The following SRGAP1 variants were observed in gnomAD, a reference collection of about 807,000 sequenced individuals.
SRGAP1 encodes the protein SLIT-ROBO Rho GTPase activating protein 1.
In SRGAP1, 43 loss-of-function variants were observed where a neutral mutation model predicts 121.9. That is an observed-to-expected ratio of 0.35 (90% confidence interval 0.28 to 0.46). The LOEUF (loss-of-function observed/expected upper bound fraction) is 0.46, where lower values mean the gene tolerates loss of function less well. SRGAP1 is among the 20% of genes least tolerant of loss of function. The probability of loss-of-function intolerance (pLI) is 1.00; values close to 1 mark genes in which losing one functional copy is unlikely to be tolerated. For synonymous variants in SRGAP1, 447 were observed against 485.4 expected, an observed-to-expected ratio of 0.92 and a Z score of 1.04; for missense variants, 1,102 against 1,350.9, an observed-to-expected ratio of 0.82 and a Z score of 2.89.
chr12:64,162,040 TTGTAGTTGC>T lies in SRGAP1; in HGVS notation c.*19371_*19379del, dbSNP rs1194331265. ...AAATCTATAAAAATACAAAGTAGAT[TTGTAGTTGC>T]TGAGGGCTGGGAAAAGGGTTTGGGG... On this transcript the variant is annotated 3_prime_UTR_variant, in exon 22 of 22. Coordinates refer to ENST00000355086, the MANE Select transcript of SRGAP1 (RefSeq NM_020762.4). 6.6e-6 allele frequency: 1 copy of T among 152,092 alleles called. No individual in the cohort carries two copies. Among genetic ancestry groups the T allele is most frequent in the African/African-American group, 2.4e-5 (1 of 41,406 alleles). 9.4% of individuals were successfully genotyped at this position (152,092 alleles called of 1,614,324 possible). A position where few individuals can be genotyped will look rare whatever the true frequency, so the allele number is the denominator to read the frequency against.
intron 4 of SRGAP1, among the ~76,000 whole-genome samples, chr12:64,023,019 A>G (rs548873130): frequency 1.7e-3 from 259 of 152,288 alleles, no homozygotes; most frequent in Non-Finnish European, 3.2e-3. Flanking sequence ...TTTAAAAAAC[A>G]TTAGTAGTTA....
Position 64,065,098 on chromosome 12 carries a change from G to A in SRGAP1, c.1024-20G>A. ...GGGTTGATGGTGCCCTGTTGTAACT[G>A]GTTTCTCATTCTCCATCAGGTGTGC... On this transcript the variant is annotated intron_variant, in intron 7 of 21. Transcript: ENST00000355086. 1 of 1,599,298 alleles carries A rather than the reference G, an allele frequency of 6.3e-7. No individual in the cohort carries two copies. Among genetic ancestry groups the A allele is most frequent in the Non-Finnish European group, 8.5e-7 (1 of 1,171,892 alleles).
chr12:64,139,017 A>G (rs1485541217), intron 21 of SRGAP1, among the ~76,000 whole-genome samples: 1 of 152,204 alleles, frequency 6.6e-6, no homozygotes, highest in African/African-American at 2.4e-5. Flanking sequence ...ATGTTTATAT[A>G]TTAGAAAAAG....
intron 3 of SRGAP1, among the ~76,000 whole-genome samples, chr12:63,997,639 A>AT (rs2033750072): frequency 1.3e-5 from 2 of 152,142 alleles, no homozygotes; most frequent in Admixed American, 1.3e-4. Flanking sequence ...TAAAACAGTT[A>AT]TTTTTTGTAA....
intron 1 of SRGAP1, among the ~76,000 whole-genome samples, chr12:63,941,969 CA>C (rs1299465751): frequency 1.3e-5 from 2 of 152,090 alleles, no homozygotes; most frequent in African/African-American, 4.8e-5. Flanking sequence ...GTTTGGAAAT[CA>C]GATCCTGAGT....
intron 4 of SRGAP1, among the ~76,000 whole-genome samples, chr12:64,031,510 G>C (rs952113548): frequency 1.3e-5 from 2 of 152,014 alleles, no homozygotes; most frequent in African/African-American, 4.8e-5. Flanking sequence ...CACCTCCTTT[G>C]TAGGAGTTAC....
Position 64,097,995 on chromosome 12 carries a change from C to A in SRGAP1, c.1813+620C>A, listed in dbSNP as rs904409. Among the ~76,000 whole-genome samples the A allele has an allele frequency of 2.4e-3, 372 of 152,132 alleles. 1 individual carries two copies. The highest frequency in any genetic ancestry group is 8.7e-3 in the African/African-American group (363 of 41,488). On this transcript the variant is annotated intron_variant, in intron 15 of 21. Coordinates refer to ENST00000355086, the MANE Select transcript of SRGAP1 (RefSeq NM_020762.4). Reference sequence around the variant, plus strand: ...ACAAAGGAAGGTGAAAATAATGATACCATGAATTAATTATTAGCCACAATC... The same window carrying A: ...ACAAAGGAAGGTGAAAATAATGATAACATGAATTAATTATTAGCCACAATC...
intron 18 of SRGAP1, among the ~76,000 whole-genome samples, chr12:64,120,902 G>A (rs2036595681): frequency 6.6e-6 from 1 of 151,694 alleles, no homozygotes; most frequent in Non-Finnish European, 1.5e-5. Context: ...AATTACAAAG[G>A]TTGGTTGTTT....
chr12:64,123,950 C>A (rs1189788045), intron 18 of SRGAP1, among the ~76,000 whole-genome samples: 1 of 152,082 alleles, frequency 6.6e-6, no homozygotes, highest in Non-Finnish European at 1.5e-5. Flanking sequence ...AGACCAGGCA[C>A]CTATAATCCC....
intron 8 of SRGAP1, among the ~76,000 whole-genome samples, chr12:64,073,253 C>T (rs1020961635): frequency 2.0e-5 from 3 of 152,042 alleles, no homozygotes; most frequent in Non-Finnish European, 4.4e-5. Flanking sequence ...AACCATGACA[C>T]CATTGCTTCT....
chr12:63,887,041 T>TTTTTGTATTTTGTA (rs1253338168), intron 1 of SRGAP1, among the ~76,000 whole-genome samples: 4 of 151,952 alleles, frequency 2.6e-5, no homozygotes, highest in Non-Finnish European at 4.4e-5. Flanking sequence ...GCCTGGCTTA[T>TTTTTGTATTTTGTA]TTTTGTATTT....
In SRGAP1 at chr12:64,043,411, C is replaced by A. The variant is rs779767218; in HGVS notation, c.673-36C>A. 4 of 1,588,412 alleles carry A rather than the reference C, an allele frequency of 2.5e-6. No individual in the cohort carries two copies. The Admixed American group carries it at 7.3e-5, about 29-fold the overall frequency. On this transcript the variant is annotated intron_variant, in intron 5 of 21. Coordinates refer to ENST00000355086, the MANE Select transcript of SRGAP1 (RefSeq NM_020762.4). ...TCTGTCTTGATTAAAAATGACTTTG[C>A]ATTCTTTCCCAATGCCTGGATCTTC...
chr12:63,922,768 G>A (rs61933129), intron 1 of SRGAP1, among the ~76,000 whole-genome samples: 4,630 of 152,302 alleles, frequency 0.03, 112 homozygotes, highest in Middle Eastern at 0.068. Context: ...AGCTCTTTGA[G>A]GGAAGAAACA....
intron 1 of SRGAP1, among the ~76,000 whole-genome samples, chr12:63,894,486 A>G (rs1000349618): frequency 6.7e-6 from 1 of 148,166 alleles, no homozygotes; most frequent in African/African-American, 2.5e-5. Flanking sequence ...TTTTTTTTTA[A>G]TTATACTTCA....
intron 6 of SRGAP1, among the ~76,000 whole-genome samples, chr12:64,059,935 A>T (rs1270917320): frequency 6.6e-6 from 1 of 152,106 alleles, no homozygotes; most frequent in Non-Finnish European, 1.5e-5. Context: ...TGTTTTTTTA[A>T]ATCAAGTCAT....
At chr12:64,064,850 G>A (rs1243315041) in intron 7 of SRGAP1, among the ~76,000 whole-genome samples, 4 of 152,118 alleles carry the variant, frequency 2.6e-5, no homozygotes, top group Admixed American at 6.6e-5. Flanking sequence ...GAGCTCCATC[G>A]CAGGAACCGC....
At chr12:64,042,367 T>G (rs2035042885) in intron 4 of SRGAP1, among the ~76,000 whole-genome samples, 1 of 152,188 alleles carries the variant, frequency 6.6e-6, no homozygotes, top group Non-Finnish European at 1.5e-5. Flanking sequence ...AAAAATAGAT[T>G]TTATGCAATA....
intron 4 of SRGAP1, among the ~76,000 whole-genome samples, chr12:64,019,767 G>T (rs2034499087): frequency 6.6e-6 from 1 of 152,188 alleles, no homozygotes; most frequent in South Asian, 2.1e-4. Flanking sequence ...ATGTAGTTTA[G>T]GTTCCCCATT....
At chr12:64,042,324 G>A (rs1356559679) in intron 4 of SRGAP1, among the ~76,000 whole-genome samples, 1 of 151,952 alleles carries the variant, frequency 6.6e-6, no homozygotes, top group Non-Finnish European at 1.5e-5. Flanking sequence ...CTAAAACTAT[G>A]TATGAACCTT....
Sources: gnomAD v4.1 joint callset for allele counts (sites outside exome capture counted in the v4.1 genomes callset) on GRCh38, gnomAD v4.1.1 for gene constraint, MANE v1.5 for transcripts, NCBI Gene and HGNC (gene_info 2026-07-23, HGNC 2026-07-21) for gene names.